The following DGKB variants were observed in gnomAD, a reference collection of about 807,000 sequenced individuals.
The protein encoded by DGKB is 90 kDa diacylglycerol kinase.
Under a neutral mutation model 114.3 loss-of-function variants are expected in DGKB, and 67 were observed. The ratio of observed to expected loss-of-function variants is 0.59; its 90% CI spans 0.48 to 0.72. The LOEUF (loss-of-function observed/expected upper bound fraction) is 0.72, where lower values mean the gene tolerates loss of function less well. Ranked by LOEUF, DGKB falls within the 30% of genes least tolerant of loss-of-function variation. The probability of loss-of-function intolerance (pLI) is 0.00; values close to 1 mark genes in which losing one functional copy is unlikely to be tolerated. For missense variants in DGKB, 907 were observed against 975.2 expected (o/e 0.93, Z 0.93); for synonymous variants, 398 against 323.1 (o/e 1.23, Z -2.49).
chr7:14,534,010 T>C (rs1430470211), intron 20 of DGKB, among the ~76,000 whole-genome samples: 1 of 152,050 alleles, frequency 6.6e-6, no homozygotes, highest in African/African-American at 2.4e-5. Flanking sequence ...TAGGCAAATA[T>C]ACAATGTTCT....
chr7:14,467,677 A>T (rs28715422), intron 21 of DGKB, among the ~76,000 whole-genome samples: 56,389 of 151,860 alleles, frequency 0.37, 10,869 homozygotes, highest in Admixed American at 0.48. Context: ...ACCATTTTTT[A>T]AAAAATAAAT....
intron 20 of DGKB, among the ~76,000 whole-genome samples, chr7:14,521,905 TA>T (rs1789831225): frequency 6.6e-6 from 1 of 152,210 alleles, no homozygotes; most frequent in African/African-American, 2.4e-5. Context: ...TTAAGATGTA[TA>T]TTTTTTTTGG....
chr7:14,491,598 C>T (rs1048061425), intron 20 of DGKB, among the ~76,000 whole-genome samples: 4 of 151,992 alleles, frequency 2.6e-5, no homozygotes, highest in African/African-American at 9.7e-5. Context: ...CCATTAGCAT[C>T]CAATATTTCC....
At chr7:14,951,099 C>A (rs1786178966) in intron 1 of DGKB, among the ~76,000 whole-genome samples, 1 of 150,746 alleles carries the variant, frequency 6.6e-6, no homozygotes, top group Admixed American at 6.6e-5. Context: ...AAGGTAACTT[C>A]CTCAGTCTGA....
chr7:14,499,047 G>C (rs1284280310), intron 20 of DGKB, among the ~76,000 whole-genome samples: 4 of 151,670 alleles, frequency 2.6e-5, no homozygotes, highest in Non-Finnish European at 5.9e-5. Flanking sequence ...AACAGAGGTA[G>C]AGAAAAGGTG....
intron 5 of DGKB, among the ~76,000 whole-genome samples, chr7:14,720,472 T>TA (rs201154514): frequency 9.7e-6 from 1 of 103,568 alleles, no homozygotes; most frequent in Non-Finnish European, 1.9e-5. Context: ...GCCCGGCTGA[T>TA]TTGTGTGTGT....
chr7:14,290,201 T>C (rs535750952), intron 23 of DGKB, among the ~76,000 whole-genome samples: 2 of 152,254 alleles, frequency 1.3e-5, no homozygotes, highest in East Asian at 3.9e-4. Flanking sequence ...AGAGTTTCAA[T>C]GGATTTAAGA....
intron 13 of DGKB, among the ~76,000 whole-genome samples, chr7:14,633,000 T>TA (rs1435270406): frequency 6.6e-6 from 1 of 151,816 alleles, no homozygotes; most frequent in African/African-American, 2.4e-5. Context: ...CCATGCTGGA[T>TA]AATAATCCTC....
At chr7:14,355,263 G>A (rs748057721) in intron 21 of DGKB, among the ~76,000 whole-genome samples, 1 of 151,728 alleles carries the variant, frequency 6.6e-6, no homozygotes, top group African/African-American at 2.4e-5. Flanking sequence ...AGAATATAAA[G>A]TTCATTTCTT....
At chr7:14,331,530 A>G (rs1809715116) in intron 23 of DGKB, among the ~76,000 whole-genome samples, 1 of 152,128 alleles carries the variant, frequency 6.6e-6, no homozygotes, top group Non-Finnish European at 1.5e-5. Context: ...ATAATAGTGG[A>G]TGACAAATGT....
At chr7:14,594,377 A>T (rs1300629061) in intron 17 of DGKB, among the ~76,000 whole-genome samples, 4 of 152,142 alleles carry the variant, frequency 2.6e-5, no homozygotes, top group Non-Finnish European at 5.9e-5. Flanking sequence ...GCAGGTTAAA[A>T]TATTTCTTGT....
chr7:14,954,024 C>T (rs2128261935), intron 1 of DGKB, among the ~76,000 whole-genome samples: 1 of 152,148 alleles, frequency 6.6e-6, no homozygotes, highest in African/African-American at 2.4e-5. Flanking sequence ...TTACTAAGCC[C>T]TCCAGGTGAT....
chr7:14,156,450 A>G (rs867292603), intron 25 of DGKB, among the ~76,000 whole-genome samples: 15 of 152,270 alleles, frequency 9.9e-5, no homozygotes, highest in South Asian at 4.1e-4. Context: ...TTTGGGCTAT[A>G]TGTAAATAAA....
intron 20 of DGKB, among the ~76,000 whole-genome samples, chr7:14,496,555 T>C (rs1407417888): frequency 6.6e-6 from 1 of 151,800 alleles, no homozygotes; most frequent in African/African-American, 2.4e-5. Flanking sequence ...GCACCTATTG[T>C]ATGCCAAACA....
intron 23 of DGKB, among the ~76,000 whole-genome samples, chr7:14,304,473 C>T (rs1380500106): frequency 6.6e-6 from 1 of 150,692 alleles, no homozygotes; most frequent in African/African-American, 2.4e-5. Flanking sequence ...TCACTTACAT[C>T]TACTTTTCTG....
chr7:14,408,367 A>G (rs1824299757), intron 21 of DGKB, among the ~76,000 whole-genome samples: 1 of 152,266 alleles, frequency 6.6e-6, no homozygotes, highest in African/African-American at 2.4e-5. Context: ...TCTGAAATCA[A>G]TAAGCAATTG....
At chr7:14,608,882 AAGG>A (rs1211193591) in intron 16 of DGKB, among the ~76,000 whole-genome samples, 2 of 152,068 alleles carry the variant, frequency 1.3e-5, no homozygotes, top group African/African-American at 4.8e-5. Flanking sequence ...AGTGCTCTAC[AAGG>A]AGAACCACAA....
At chr7:14,268,924 C>T (rs893490009) in intron 23 of DGKB, 1 of 152,164 alleles carries the variant, frequency 6.6e-6, no homozygotes, top group African/African-American at 2.4e-5. Context: ...CTCAAAACAA[C>T]ACACATTTAT....
chr7:14,875,566 G>A (rs2128204988), intron 1 of DGKB, among the ~76,000 whole-genome samples: 1 of 152,264 alleles, frequency 6.6e-6, no homozygotes, highest in East Asian at 1.9e-4. Flanking sequence ...ACGCAAAACT[G>A]TTAGGACTAC....
Sources: allele counts gnomAD v4.1 joint callset (sites outside exome capture counted in the v4.1 genomes callset), GRCh38; gene constraint gnomAD v4.1.1; transcripts MANE v1.5; gene names NCBI Gene and HGNC (gene_info 2026-07-23, HGNC 2026-07-21).